BABAM2: variants seen among roughly 807,000 people sequenced by gnomAD.
BABAM2 encodes the protein BRISC and BRCA1-A complex member 2.
In BABAM2, 31 loss-of-function variants were observed where a neutral mutation model predicts 54.7. The observed-to-expected ratio is 0.57, with a 90% CI of 0.43 to 0.77. The LOEUF (loss-of-function observed/expected upper bound fraction) is 0.77. Among genes scored for constraint, BABAM2 ranks in the 30% least tolerant of loss-of-function variants. The probability of loss-of-function intolerance (pLI) is 0.00; values close to 1 mark genes in which losing one functional copy is unlikely to be tolerated. For synonymous variants in BABAM2, 167 were observed against 162.9 expected (o/e 1.03, Z -0.19); for missense variants, 364 against 455.8 (o/e 0.80, Z 1.83).
intron 7 of BABAM2, among the ~76,000 whole-genome samples, chr2:28,146,701 G>A (rs1671522303): frequency 6.6e-6 from 1 of 152,166 alleles, no homozygotes; most frequent in Admixed American, 6.5e-5. Context: ...TCTTGAGGCT[G>A]AACTGGGCTT....
At chr2:28,213,187 A>G (rs892383545) in intron 7 of BABAM2, among the ~76,000 whole-genome samples, 6 of 152,090 alleles carry the variant, frequency 3.9e-5, no homozygotes, top group Admixed American at 2.0e-4. Context: ...AGATCATGCT[A>G]CTGGACTCCA....
At chr2:28,213,604 A>G (rs1055239626) in intron 7 of BABAM2, among the ~76,000 whole-genome samples, 1 of 152,158 alleles carries the variant, frequency 6.6e-6, no homozygotes, top group African/African-American at 2.4e-5. Context: ...ATTTTGCTTT[A>G]CTTTATTAAA....
intron 10 of BABAM2, among the ~76,000 whole-genome samples, chr2:28,265,210 A>G (rs1164632334): frequency 1.3e-5 from 2 of 152,180 alleles, no homozygotes; most frequent in East Asian, 3.9e-4. Flanking sequence ...GCCGAGGCGG[A>G]GGATCACCTG....
At chr2:27,910,064 A>G (rs1666466591) in intron 2 of BABAM2, among the ~76,000 whole-genome samples, 1 of 152,228 alleles carries the variant, frequency 6.6e-6, no homozygotes, top group Admixed American at 6.5e-5. Flanking sequence ...CATTCCATCT[A>G]TAACAGTTCT....
chr2:28,206,047 G>A (rs1371938515), intron 7 of BABAM2, among the ~76,000 whole-genome samples: 2 of 152,124 alleles, frequency 1.3e-5, no homozygotes, highest in African/African-American at 2.4e-5. Context: ...CTTCAAGGCT[G>A]GAGGGGTTTC....
chr2:28,246,384 A>G (rs1326113768), intron 10 of BABAM2, among the ~76,000 whole-genome samples: 1 of 152,180 alleles, frequency 6.6e-6, no homozygotes, highest in Non-Finnish European at 1.5e-5. Flanking sequence ...GGTCCCAGTG[A>G]TTCTTTCTGT....
rs1042326699 is a variant in BABAM2, at chr2:28,136,197, C to G, written c.680+6817C>G. ...GAACATTGAGTTTATTTACCTCCCC[C>G]ACAGGGTCCGTTAAAGTCCTGCCCA... On this transcript the variant is annotated intron_variant, in intron 7 of 11. Transcript: ENST00000379624. Among the ~76,000 whole-genome samples the G allele has an allele frequency of 7.2e-5, 11 of 152,340 alleles. No individual in the cohort carries two copies. The South Asian group carries it at 1.4e-3, about 20-fold the overall frequency.
intron 4 of BABAM2, among the ~76,000 whole-genome samples, chr2:28,019,948 T>A (rs1675133258): frequency 6.6e-6 from 1 of 152,202 alleles, no homozygotes; most frequent in Non-Finnish European, 1.5e-5. Context: ...GATTTGTTCT[T>A]TTTGCTTAGT....
At chr2:28,327,768 C>T (rs574393405) in intron 11 of BABAM2, among the ~76,000 whole-genome samples, 2 of 152,278 alleles carry the variant, frequency 1.3e-5, no homozygotes, top group South Asian at 4.1e-4. Context: ...CTGCCTGAAG[C>T]TGTGAGCATG....
chr2:28,175,632 G>A (rs1330089221), intron 7 of BABAM2, among the ~76,000 whole-genome samples: 1 of 152,234 alleles, frequency 6.6e-6, no homozygotes, highest in African/African-American at 2.4e-5. Context: ...ACAAATGTGT[G>A]CCACTGGGGA....
intron 4 of BABAM2, among the ~76,000 whole-genome samples, chr2:28,020,952 GACACACACACACACAC>G (rs57086132): frequency 1.4e-5 from 2 of 144,414 alleles, no homozygotes; most frequent in African/African-American, 5.2e-5. Context: ...CTGTCTCTCT[GACACACACACACACAC>G]ACACACACAC....
chr2:28,284,400 A>T (rs1350713374), intron 10 of BABAM2, among the ~76,000 whole-genome samples: 8 of 152,090 alleles, frequency 5.3e-5, no homozygotes, highest in Admixed American at 1.3e-4. Context: ...GTCTTTAAAA[A>T]AAAAAAAACA....
At chr2:28,134,055 CTTTGTG>C (rs1190359430) in intron 7 of BABAM2, among the ~76,000 whole-genome samples, 1 of 152,012 alleles carries the variant, frequency 6.6e-6, no homozygotes, top group Non-Finnish European at 1.5e-5. Flanking sequence ...CTGAGAAGAA[CTTTGTG>C]TTCTTGCACA....
rs561718230 is a variant in BABAM2, at chr2:27,948,509, G to A, written c.205+18601G>A. Reference sequence around the variant, plus strand: ...GTTAAGGCTGGGTGTGGTGGCTCACGCCTGTAATCACAGTACTTTGGGAGG... The same window carrying A: ...GTTAAGGCTGGGTGTGGTGGCTCACACCTGTAATCACAGTACTTTGGGAGG... On this transcript the variant is annotated intron_variant, in intron 3 of 11. Coordinates refer to ENST00000379624, the MANE Select transcript of BABAM2 (RefSeq NM_199191.3). 2.3e-4 allele frequency among the ~76,000 whole-genome samples: 35 copies of A among 152,312 alleles called. No homozygotes were observed. In the South Asian group the frequency reaches 7.0e-3, roughly 31 times the overall value.
Position 28,269,024 on chromosome 2 carries a change from A to G in BABAM2, c.934+24162A>G, listed in dbSNP as rs1263730214. Among the ~76,000 whole-genome samples, 3 of 152,264 alleles carry G rather than the reference A, an allele frequency of 2.0e-5. No homozygotes were observed. In the East Asian group the frequency reaches 5.8e-4, roughly 29 times the overall value. ...AAGATATAACCAAATCTAACATTTCAGCAAACAAAAGCTGAGGCTTGTAAC... is the reference window on the plus strand; with the variant it reads ...AAGATATAACCAAATCTAACATTTCGGCAAACAAAAGCTGAGGCTTGTAAC... On this transcript the variant is annotated intron_variant, in intron 10 of 11. Coordinates refer to ENST00000379624, the MANE Select transcript of BABAM2 (RefSeq NM_199191.3).
intron 7 of BABAM2, among the ~76,000 whole-genome samples, chr2:28,159,882 G>GAA (rs36074681): frequency 2.2e-5 from 3 of 138,124 alleles, no homozygotes; most frequent in Non-Finnish European, 3.2e-5. Flanking sequence ...TCCCCGCCGG[G>GAA]AAAAAAAAAA....
intron 7 of BABAM2, among the ~76,000 whole-genome samples, chr2:28,233,787 G>A (rs757705256): frequency 7.9e-5 from 12 of 152,242 alleles, no homozygotes; most frequent in Non-Finnish European, 1.2e-4. Flanking sequence ...ACCTGCCAGA[G>A]TGTCTGGTCC....
intron 4 of BABAM2, among the ~76,000 whole-genome samples, chr2:27,992,205 C>A (rs763776588): frequency 1.4e-4 from 21 of 152,050 alleles, no homozygotes; most frequent in Non-Finnish European, 2.6e-4. Context: ...CTATTCAGAT[C>A]CTTTGCCCAT....
At chr2:28,316,343 T>C (rs1192437926) in intron 11 of BABAM2, among the ~76,000 whole-genome samples, 1 of 142,808 alleles carries the variant, frequency 7.0e-6, no homozygotes, top group African/African-American at 2.6e-5. Context: ...GGTAGAGACA[T>C]CAAATCTAAT....
Sources: allele counts gnomAD v4.1 joint callset (sites outside exome capture counted in the v4.1 genomes callset), GRCh38; gene constraint gnomAD v4.1.1; transcripts MANE v1.5; gene names NCBI Gene and HGNC (gene_info 2026-07-23, HGNC 2026-07-21).